The following ACTR3B variants were observed in gnomAD, a reference collection of about 807,000 sequenced individuals.
ACTR3B encodes actin-related protein 3B.
ACTR3B carries 8 observed loss-of-function variants against 59.0 expected under a neutral mutation model. The observed-to-expected ratio is 0.14, with a 90% CI of 0.08 to 0.24. ACTR3B has a LOEUF of 0.24. Among genes scored for constraint, ACTR3B ranks in the 10% least tolerant of loss-of-function variants. ACTR3B has a pLI of 1.00. For missense variants in ACTR3B, 245 were observed against 552.3 expected (o/e 0.44, Z 5.58); for synonymous variants, 148 against 197.9 (o/e 0.75, Z 2.12).
intron 9 of ACTR3B, among the ~76,000 whole-genome samples, chr7:152,851,287 A>T (rs1044433176): frequency 6.6e-6 from 1 of 152,162 alleles, no homozygotes; most frequent in African/African-American, 2.4e-5. Context: ...TCTGTACCAT[A>T]CTCACCCTTC....
At chr7:152,794,214 T>C (rs2098207432) in intron 2 of ACTR3B, among the ~76,000 whole-genome samples, 2 of 152,178 alleles carry the variant, frequency 1.3e-5, no homozygotes, top group African/African-American at 4.8e-5. Context: ...TTATTTTTAT[T>C]CTTTTTGATT....
intron 9 of ACTR3B, among the ~76,000 whole-genome samples, chr7:152,831,535 G>A (rs13311073): frequency 2.6e-5 from 4 of 152,228 alleles, no homozygotes; most frequent in African/African-American, 7.2e-5. Flanking sequence ...GAGGAACAGC[G>A]TTTTAAACTT....
chr7:152,766,116 G>A (rs1448981634), intron 1 of ACTR3B, among the ~76,000 whole-genome samples: 1 of 152,170 alleles, frequency 6.6e-6, no homozygotes, highest in Non-Finnish European at 1.5e-5. Flanking sequence ...CCCAGTTCCA[G>A]TGACTTGCTA....
At chr7:152,790,704 G>C (rs1272392450) in intron 2 of ACTR3B, among the ~76,000 whole-genome samples, 64 of 152,148 alleles carry the variant, frequency 4.2e-4, no homozygotes, top group African/African-American at 1.5e-3. Flanking sequence ...CTCTGGAACA[G>C]TTTGCATAAG....
chr7:152,774,771 C>T (rs536608215), intron 1 of ACTR3B, among the ~76,000 whole-genome samples: 82 of 152,128 alleles, frequency 5.4e-4, no homozygotes, highest in African/African-American at 1.8e-3. Context: ...TTGAATTCTT[C>T]GTTCTATAGA....
chr7:152,827,772 G>A (rs1464427103), intron 9 of ACTR3B, among the ~76,000 whole-genome samples: 1 of 152,244 alleles, frequency 6.6e-6, no homozygotes, highest in African/African-American at 2.4e-5. Context: ...TGCCTCTCCT[G>A]TAGCCACGAA....
At chr7:152,772,091 A>G (rs1488432329) in intron 1 of ACTR3B, among the ~76,000 whole-genome samples, 1 of 152,178 alleles carries the variant, frequency 6.6e-6, no homozygotes, top group Non-Finnish European at 1.5e-5. Context: ...CAAACCCCTG[A>G]AAGATAAAAG....
chr7:152,826,491 A>G (rs932475280), intron 9 of ACTR3B, among the ~76,000 whole-genome samples: 4 of 152,210 alleles, frequency 2.6e-5, no homozygotes, highest in African/African-American at 7.2e-5. Context: ...TTTTTGCTGC[A>G]TATTCTTAAA....
intron 9 of ACTR3B, among the ~76,000 whole-genome samples, chr7:152,844,438 A>G (rs1798110802): frequency 1.3e-5 from 2 of 152,182 alleles, no homozygotes; most frequent in Admixed American, 6.6e-5. Context: ...TGCCTTTTAC[A>G]TAAAAGTGGA....
intron 1 of ACTR3B, among the ~76,000 whole-genome samples, chr7:152,771,378 A>G (rs908572649): frequency 1.3e-5 from 2 of 152,266 alleles, no homozygotes; most frequent in Non-Finnish European, 2.9e-5. Flanking sequence ...CATGGAGGTC[A>G]GCTGACATCC....
At chr7:152,823,638 G>C in intron 8 of ACTR3B, 123 bp downstream of exon 8, 1 of 1,240,124 alleles carries the variant, frequency 8.1e-7, no homozygotes, top group Non-Finnish European at 1.1e-6. Context: ...CGGTCTCTCT[G>C]CATCCCCTGT....
At chr7:152,783,037 T>A (rs997430862) in intron 1 of ACTR3B, 150 bp from the exon 2 acceptor site, 13 of 484,548 alleles carry the variant, frequency 2.7e-5, no homozygotes, top group African/African-American at 2.6e-4. Context: ...TTCTCAGTGA[T>A]CACAAGTTTT....
At chr7:152,843,774 T>TA (rs1483390569) in intron 9 of ACTR3B, among the ~76,000 whole-genome samples, 4 of 152,216 alleles carry the variant, frequency 2.6e-5, no homozygotes, top group Non-Finnish European at 4.4e-5. Context: ...AACAGCAGAT[T>TA]AAAGTTTTGT....
chr7:152,785,244 A>C (rs1175677705), intron 2 of ACTR3B, among the ~76,000 whole-genome samples: 25 of 150,622 alleles, frequency 1.7e-4, no homozygotes, highest in Admixed American at 2.0e-4. Context: ...GATTTCATTC[A>C]CTGTCAAAAA....
chr7:152,834,126 G>T (rs1192189636), intron 9 of ACTR3B, among the ~76,000 whole-genome samples: 1 of 150,914 alleles, frequency 6.6e-6, no homozygotes, highest in Non-Finnish European at 1.5e-5. Context: ...TTACAAAGGA[G>T]AATTTACTCC....
chr7:152,843,293 T>C (rs1798010241), intron 9 of ACTR3B, among the ~76,000 whole-genome samples: 1 of 152,272 alleles, frequency 6.6e-6, no homozygotes, highest in African/African-American at 2.4e-5. Context: ...AAAATGGTTT[T>C]TCAAAGAAAT....
chr7:152,791,550 C>G (rs1198457330), intron 2 of ACTR3B, among the ~76,000 whole-genome samples: 1 of 152,236 alleles, frequency 6.6e-6, no homozygotes. Context: ...AAGTGAGACC[C>G]TGTCTCTAAA....
intron 2 of ACTR3B, among the ~76,000 whole-genome samples, chr7:152,791,087 C>T (rs1170171637): frequency 1.3e-5 from 2 of 150,394 alleles, no homozygotes; most frequent in African/African-American, 2.5e-5. Flanking sequence ...GATCTTGGCT[C>T]ACTGCAACCT....
chr7:152,816,747 CT>C, intron 6 of ACTR3B, 159 bp downstream of exon 6: 1 of 566,878 alleles, frequency 1.8e-6, no homozygotes, highest in Non-Finnish European at 2.7e-6. Context: ...TTTTTGCCAC[CT>C]TATATAAAGG....
Sources: gnomAD v4.1 joint callset for allele counts (sites outside exome capture counted in the v4.1 genomes callset) on GRCh38, gnomAD v4.1.1 for gene constraint, MANE v1.5 for transcripts, NCBI Gene and HGNC (gene_info 2026-07-23, HGNC 2026-07-21) for gene names.